PTPRG: variants seen among roughly 807,000 people sequenced by gnomAD.
PTPRG encodes the protein protein tyrosine phosphatase receptor type G.
A neutral mutation model predicts 165.3 loss-of-function variants in PTPRG; 102 were observed. The observed-to-expected ratio is 0.62, with a 90% CI of 0.53 to 0.73. PTPRG has a LOEUF of 0.73. Among genes scored for constraint, PTPRG ranks in the 30% least tolerant of loss-of-function variants. PTPRG has a pLI of 0.00. For missense variants in PTPRG, 1,866 were observed against 1,861.4 expected (o/e 1.00, Z -0.05); for synonymous variants, 675 against 669.5 (o/e 1.01, Z -0.13).
intron 1 of PTPRG, among the ~76,000 whole-genome samples, chr3:61,577,534 C>A (rs142743821): frequency 6.6e-6 from 1 of 152,160 alleles, no homozygotes; most frequent in African/African-American, 2.4e-5. Flanking sequence ...CTCATTAAAA[C>A]TTTTCATTGA....
intron 4 of PTPRG, among the ~76,000 whole-genome samples, chr3:62,066,819 C>T (rs573430369): frequency 6.6e-6 from 1 of 152,268 alleles, no homozygotes; most frequent in South Asian, 2.1e-4. Context: ...GTGGGCGGAT[C>T]ATGAGGTCAG....
At chr3:62,134,654 G>A (rs1433781614) in intron 6 of PTPRG, among the ~76,000 whole-genome samples, 1 of 152,158 alleles carries the variant, frequency 6.6e-6, no homozygotes, top group East Asian at 1.9e-4. Context: ...TTTCTTCAAA[G>A]CACTTAAATG....
chr3:61,807,072 T>C (rs922481053), intron 2 of PTPRG, among the ~76,000 whole-genome samples: 1 of 152,188 alleles, frequency 6.6e-6, no homozygotes, highest in East Asian at 1.9e-4. Flanking sequence ...CAATTCAGGA[T>C]ATTGTATTTC....
At chr3:62,206,933 A>AAAAAACAAAAAAAAC (rs1248901756) in intron 12 of PTPRG, among the ~76,000 whole-genome samples, 3 of 146,172 alleles carry the variant, frequency 2.1e-5, no homozygotes, top group African/African-American at 8.0e-5. Flanking sequence ...AAAAAAAAAA[A>AAAAAACAAAAAAAAC]AAAAAAGAAG....
chr3:62,129,548 G>C (rs575973284), intron 5 of PTPRG, among the ~76,000 whole-genome samples: 1 of 152,298 alleles, frequency 6.6e-6, no homozygotes, highest in South Asian at 2.1e-4. Context: ...ACAAGAGAGA[G>C]AATGTGAGAG....
At chr3:62,091,814 G>C (rs951178524) in intron 5 of PTPRG, among the ~76,000 whole-genome samples, 7 of 151,882 alleles carry the variant, frequency 4.6e-5, no homozygotes, top group Admixed American at 4.6e-4. Flanking sequence ...GAGTTGAGTG[G>C]GAGATGTTAT....
intron 1 of PTPRG, among the ~76,000 whole-genome samples, chr3:61,730,103 T>G (rs2106830271): frequency 6.6e-6 from 1 of 152,358 alleles, no homozygotes; most frequent in South Asian, 2.1e-4. Flanking sequence ...CTGAAGGGGT[T>G]TGTGACCACC....
intron 2 of PTPRG, among the ~76,000 whole-genome samples, chr3:61,763,880 A>G (rs2033934874): frequency 6.6e-6 from 1 of 152,306 alleles, no homozygotes; most frequent in South Asian, 2.1e-4. Context: ...ACATTTGGCT[A>G]TTTAAATTTA....
intron 2 of PTPRG, among the ~76,000 whole-genome samples, chr3:61,875,162 G>A (rs907175589): frequency 1.3e-5 from 2 of 152,162 alleles, no homozygotes; most frequent in Admixed American, 1.3e-4. Context: ...TCTCTTTTCA[G>A]TGTGTAGAAG....
In PTPRG at chr3:62,206,779, A is replaced by C. The variant is rs545486963; in HGVS notation, c.2155+2829A>C. 7.2e-5 allele frequency among the ~76,000 whole-genome samples: 11 copies of C among 152,122 alleles called. No homozygotes were observed. In the South Asian group the frequency reaches 2.3e-3, roughly 32 times the overall value. ...GAAACCCCGTCTCTAGAAAAAATAC[A>C]ACAATTAGCAGGGCACAGCGGCTCA... is the stretch of plus-strand genomic sequence containing the variant. On this transcript the variant is annotated intron_variant, in intron 12 of 29. Transcript: ENST00000474889.
Position 61,738,306 on chromosome 3 carries a change from A to ATG in PTPRG, c.86-10571_86-10570insGT, listed in dbSNP as rs1559583371. 3.1e-3 allele frequency among the ~76,000 whole-genome samples: 244 copies of ATG among 78,798 alleles called. 21 individuals are homozygous for ATG. The highest frequency in any genetic ancestry group is 5.8e-3 in the Middle Eastern group (1 of 172). The allele number at this position is 78,798 out of a possible 152,430, so 51.7% of individuals were successfully genotyped here. The stretch of plus-strand genomic sequence containing the variant: ...TATATATATATATATATATATATAT[A>ATG]TATATACATATATATATATATATAT... On this transcript the variant is annotated intron_variant, in intron 1 of 29. Coordinates refer to ENST00000474889, the MANE Select transcript of PTPRG (RefSeq NM_002841.4).
At chr3:61,912,333 G>C (rs1335767487) in intron 2 of PTPRG, among the ~76,000 whole-genome samples, 1 of 151,994 alleles carries the variant, frequency 6.6e-6, no homozygotes, top group African/African-American at 2.4e-5. Flanking sequence ...CCACTGAGAA[G>C]GTAGGAGGAA....
intron 4 of PTPRG, among the ~76,000 whole-genome samples, chr3:62,067,593 G>C (rs147529254): frequency 6.6e-6 from 1 of 152,144 alleles, no homozygotes. Context: ...AGCCCTGAGC[G>C]TGTTTTCTTG....
chr3:62,127,462 G>C (rs1231420637), intron 5 of PTPRG, among the ~76,000 whole-genome samples: 1 of 152,206 alleles, frequency 6.6e-6, no homozygotes, highest in East Asian at 1.9e-4. Flanking sequence ...GCTGGGGTGG[G>C]TGAATCCTCT....
At chr3:62,069,941 C>T (rs1469133462) in intron 4 of PTPRG, among the ~76,000 whole-genome samples, 1 of 152,080 alleles carries the variant, frequency 6.6e-6, no homozygotes, top group Non-Finnish European at 1.5e-5. Flanking sequence ...CTAAAGTCTA[C>T]TGATTTAAAT....
At chr3:61,779,735 A>C (rs1410424839) in intron 2 of PTPRG, among the ~76,000 whole-genome samples, 1 of 152,160 alleles carries the variant, frequency 6.6e-6, no homozygotes, top group Non-Finnish European at 1.5e-5. Flanking sequence ...TGCTGTTAAT[A>C]TCCCACCCAC....
intron 2 of PTPRG, among the ~76,000 whole-genome samples, chr3:61,763,860 G>A (rs898992717): frequency 3.3e-5 from 5 of 152,034 alleles, no homozygotes; most frequent in African/African-American, 9.7e-5. Flanking sequence ...CTCTTCTATA[G>A]TTACTAGTTA....
chr3:61,789,067 G>C (rs2034794691), intron 2 of PTPRG, among the ~76,000 whole-genome samples: 1 of 151,942 alleles, frequency 6.6e-6, no homozygotes, highest in Admixed American at 6.6e-5. Flanking sequence ...GGTATGTCTA[G>C]TTTCTTTTCT....
chr3:62,076,833 A>G (rs2661877), intron 4 of PTPRG, among the ~76,000 whole-genome samples: 16,231 of 152,198 alleles, frequency 0.11, 1,036 homozygotes, highest in African/African-American at 0.17. Context: ...TGCCCGCCAC[A>G]GCCTCCCAAA....
Sources: gnomAD v4.1 joint callset for allele counts (sites outside exome capture counted in the v4.1 genomes callset) on GRCh38, gnomAD v4.1.1 for gene constraint, MANE v1.5 for transcripts, NCBI Gene and HGNC (gene_info 2026-07-23, HGNC 2026-07-21) for gene names.